FAM110B: variants seen among roughly 807,000 people sequenced by gnomAD.
FAM110B encodes protein FAM110B.
In FAM110B, 6 loss-of-function variants were observed where a neutral mutation model predicts 20.4. The ratio of observed to expected loss-of-function variants is 0.29; its 90% CI spans 0.16 to 0.58. The LOEUF (loss-of-function observed/expected upper bound fraction) is 0.58. FAM110B is among the 20% of genes least tolerant of loss of function. The pLI, the probability that FAM110B is intolerant of heterozygous loss-of-function variation, is 0.90. For synonymous variants in FAM110B, 226 were observed against 214.1 expected (o/e 1.06, Z -0.49); for missense variants, 434 against 498.2 (o/e 0.87, Z 1.23).
intron 1 of FAM110B, among the ~76,000 whole-genome samples, chr8:58,001,857 A>G (rs547138170): frequency 6.5e-4 from 99 of 152,210 alleles, no homozygotes; most frequent in Admixed American, 1.2e-3. Context: ...AATAGAATAT[A>G]CATAGAAAAA....
chr8:58,092,417 C>T lies in FAM110B; in HGVS notation c.-325+16794C>T, dbSNP rs567371380. Among the ~76,000 whole-genome samples, 28 of 152,232 alleles carry T rather than the reference C, an allele frequency of 1.8e-4. 2 individuals are homozygous for T. In the South Asian group the frequency reaches 5.8e-3, roughly 32 times the overall value. On this transcript the variant is annotated intron_variant, in intron 3 of 3. Coordinates refer to ENST00000519262, the MANE Select transcript of FAM110B (RefSeq NM_001377989.1). ...CCTAACCCCCTACCCCCCGACAGGC[C>T]ATGGTGTGTGATGTTCCCCTCCCTG...
At chr8:58,116,978 T>C (rs1807230162) in intron 3 of FAM110B, among the ~76,000 whole-genome samples, 1 of 152,194 alleles carries the variant, frequency 6.6e-6, no homozygotes, top group Admixed American at 6.5e-5. Flanking sequence ...TAAGCCTAGC[T>C]GCTCCCTCGA....
At chr8:58,068,816 G>A (rs561160956) in intron 2 of FAM110B, among the ~76,000 whole-genome samples, 33 of 152,176 alleles carry the variant, frequency 2.2e-4, no homozygotes, top group African/African-American at 3.4e-4. Context: ...CTCTCAGAAC[G>A]GAGAGTTGCA....
chr8:58,009,406 C>G (rs953359798), intron 1 of FAM110B, among the ~76,000 whole-genome samples: 1 of 152,196 alleles, frequency 6.6e-6, no homozygotes, highest in Admixed American at 6.5e-5. Context: ...GGCCACGGGA[C>G]ACGTGGCTGC....
At chr8:58,015,419 A>G (rs1424314074) in intron 1 of FAM110B, among the ~76,000 whole-genome samples, 1 of 152,206 alleles carries the variant, frequency 6.6e-6, no homozygotes, top group African/African-American at 2.4e-5. Flanking sequence ...TACTCTCAGA[A>G]CATTTGTTTT....
rs567405393 is a variant in FAM110B, at chr8:58,145,600, A to T, written c.-324-307A>T. Among the ~76,000 whole-genome samples, 195 of 152,352 alleles carry T rather than the reference A, an allele frequency of 1.3e-3. 1 individual carries two copies. The highest frequency in any genetic ancestry group is 8.1e-4 in the Non-Finnish European group (55 of 68,036). ...GTATTTGCTGGGTTTTGAGCTGAGA[A>T]ATGCCAACCGGGCGTGTTCAGAAGG... On this transcript the variant is annotated intron_variant, in intron 3 of 3. Transcript: ENST00000519262.
In FAM110B at chr8:58,096,475, C is replaced by T. The variant is rs142363852; in HGVS notation, c.-325+20852C>T. ...ATAGGTGTGAGCCACCGCGACCAGC[C>T]GGGTCTTGACTCTTTATCCAATTTG... On this transcript the variant is annotated intron_variant, in intron 3 of 3. Transcript: ENST00000519262. Among the ~76,000 whole-genome samples, 1,242 of 151,934 alleles carry T rather than the reference C, an allele frequency of 8.2e-3. 19 individuals are homozygous for T. Among genetic ancestry groups the T allele is most frequent in the African/African-American group, 0.028 (1,172 of 41,482 alleles).
At chr8:58,145,468 T>TCACGAC (rs1286140911) in intron 3 of FAM110B, among the ~76,000 whole-genome samples, 3 of 152,166 alleles carry the variant, frequency 2.0e-5, no homozygotes, top group African/African-American at 7.2e-5. Flanking sequence ...AAGAGATAAT[T>TCACGAC]CACGACGTTG....
chr8:57,996,716 T>C (rs1206612930), intron 1 of FAM110B, among the ~76,000 whole-genome samples: 2 of 152,166 alleles, frequency 1.3e-5, no homozygotes, highest in African/African-American at 4.8e-5. Flanking sequence ...CCTTGTTCTC[T>C]AGGTTTAGAA....
intron 1 of FAM110B, among the ~76,000 whole-genome samples, chr8:58,026,979 TTTC>T (rs1009366601): frequency 6.9e-6 from 1 of 144,292 alleles, no homozygotes; most frequent in African/African-American, 2.8e-5. Flanking sequence ...TGGGGCTGAG[TTTC>T]TTCTTTTTAA....
intron 2 of FAM110B, 97 bp downstream of exon 2, chr8:58,031,800 C>T (rs1473926922): frequency 1.3e-5 from 2 of 152,128 alleles, no homozygotes; most frequent in African/African-American, 2.4e-5. Context: ...AGGTATTCCC[C>T]AATTTTTCCC....
chr8:58,119,571 TAAA>T (rs1807302879), intron 3 of FAM110B, among the ~76,000 whole-genome samples: 1 of 152,218 alleles, frequency 6.6e-6, no homozygotes. Flanking sequence ...TAGTGGTGCG[TAAA>T]TTTATCCTTG....
chr8:58,076,517 G>GTCCCCACAGCTGATGGAGAGCCTGGGA (rs1806041433), intron 3 of FAM110B, among the ~76,000 whole-genome samples: 1 of 152,118 alleles, frequency 6.6e-6, no homozygotes, highest in Non-Finnish European at 1.5e-5. Flanking sequence ...CTCCTTTCTG[G>GTCCCCACAGCTGATGGAGAGCCTGGGA]TCCCCACAGC....
chr8:58,024,101 T>A lies in FAM110B; in HGVS notation c.-511-7505T>A, dbSNP rs147540274. On this transcript the variant is annotated intron_variant, in intron 1 of 3. Coordinates refer to ENST00000519262, the MANE Select transcript of FAM110B (RefSeq NM_001377989.1). ...CCATATATGGATTTGCTAAATGTTA[T>A]TGTTTATAGAGAATCAATGAACAAA... Among the ~76,000 whole-genome samples, 14 of 152,188 alleles carry A rather than the reference T, an allele frequency of 9.2e-5. 1 individual carries two copies. Among genetic ancestry groups the A allele is most frequent in the Admixed American group, 2.6e-4 (4 of 15,274 alleles).
intron 2 of FAM110B, among the ~76,000 whole-genome samples, chr8:58,037,704 C>T (rs771885700): frequency 3.3e-5 from 5 of 151,962 alleles, no homozygotes; most frequent in South Asian, 2.1e-4. Flanking sequence ...TCTTTTTTCA[C>T]GAAAAGTATT....
At chr8:58,016,936 G>A (rs945635214) in intron 1 of FAM110B, among the ~76,000 whole-genome samples, 4 of 152,170 alleles carry the variant, frequency 2.6e-5, no homozygotes, top group African/African-American at 9.7e-5. Flanking sequence ...CAGGGAGTAG[G>A]GGGAGAAATT....
intron 3 of FAM110B, among the ~76,000 whole-genome samples, chr8:58,129,678 A>G (rs1803402204): frequency 1.3e-5 from 2 of 152,188 alleles, no homozygotes; most frequent in Non-Finnish European, 2.9e-5. Context: ...CCTGGCACAG[A>G]TTGCGGCTAC....
chr8:58,047,920 A>G (rs1316513392), intron 2 of FAM110B, among the ~76,000 whole-genome samples: 3 of 152,182 alleles, frequency 2.0e-5, no homozygotes, highest in African/African-American at 7.2e-5. Context: ...GTAGGATTTA[A>G]TTTAAACTTT....
chr8:58,036,607 A>G (rs1440181161), intron 2 of FAM110B, among the ~76,000 whole-genome samples: 1 of 152,214 alleles, frequency 6.6e-6, no homozygotes, highest in East Asian at 1.9e-4. Context: ...TCTGAAAACC[A>G]AAGAGTAGTT....
Sources: allele counts gnomAD v4.1 joint callset (sites outside exome capture counted in the v4.1 genomes callset), GRCh38; gene constraint gnomAD v4.1.1; transcripts MANE v1.5; gene names NCBI Gene and HGNC (gene_info 2026-07-23, HGNC 2026-07-21).